DDI2: variants seen among roughly 807,000 people sequenced by gnomAD.
DDI2 encodes protein DDI1 homolog 2.
A neutral mutation model predicts 48.1 loss-of-function variants in DDI2; 5 were observed. The ratio of observed to expected loss-of-function variants is 0.10; its 90% CI spans 0.05 to 0.22. The LOEUF (loss-of-function observed/expected upper bound fraction) is 0.22, where lower values mean the gene tolerates loss of function less well. Ranked by LOEUF, DDI2 falls within the 10% of genes least tolerant of loss-of-function variation. The pLI is 1.00. For missense variants in DDI2, 285 were observed against 506.2 expected, an observed-to-expected ratio of 0.56 and a Z score of 4.19; for synonymous variants, 205 against 183.6, an observed-to-expected ratio of 1.12 and a Z score of -0.94.
In DDI2 at chr1:15,649,703, C is replaced by T. The variant is rs1640149191; in HGVS notation, c.890-17C>T. 2 of 1,604,398 alleles carry T rather than the reference C, an allele frequency of 1.2e-6. No homozygotes were observed. Among genetic ancestry groups the T allele is most frequent in the Non-Finnish European group, 8.5e-7 (1 of 1,176,676 alleles). ...GAAGTACGTAACAATAACCTTTTCT[C>T]TTCATGTGCTTTTTAGCTCAGGTTC... On this transcript the variant is annotated splice_polypyrimidine_tract_variant and intron_variant, in intron 6 of 9. Transcript: ENST00000480945.
chr1:15,644,101 C>T (rs1034186072), intron 6 of DDI2, among the ~76,000 whole-genome samples: 8 of 152,096 alleles, frequency 5.3e-5, no homozygotes, highest in African/African-American at 1.9e-4. Flanking sequence ...TGGTTTCTTG[C>T]GTAGTATTCA....
In DDI2 at chr1:15,661,856, T is replaced by C; in HGVS notation, c.*2066T>C. 8.0e-7 allele frequency: 1 copy of C among 1,243,744 alleles called. No homozygotes were observed. Among genetic ancestry groups the C allele is most frequent in the Middle Eastern group, 3.0e-4 (1 of 3,370 alleles). 77.0% of individuals were successfully genotyped at this position (1,243,744 alleles called of 1,614,324 possible). On this transcript the variant is annotated 3_prime_UTR_variant, in exon 10 of 10. Coordinates refer to ENST00000480945, the MANE Select transcript of DDI2 (RefSeq NM_032341.5). ...CCTGCAAGCAGAATGTTGAGCCAGA[T>C]TTTTTTTAAAGATTTTTTTCGGCCA...
intron 1 of DDI2, 61 bp downstream of exon 1, chr1:15,617,869 A>C (rs1639588423): frequency 1.0e-5 from 15 of 1,452,066 alleles, no homozygotes; most frequent in South Asian, 5.5e-5. Flanking sequence ...TCGGGGCCTC[A>C]CTCCCTCCCT....
intron 2 of DDI2, among the ~76,000 whole-genome samples, chr1:15,629,801 G>A (rs1235443900): frequency 4.0e-5 from 6 of 148,490 alleles, no homozygotes; most frequent in Non-Finnish European, 8.9e-5. Context: ...GCGCCATCTC[G>A]GCTCACTGCA....
At position 15,652,446 on chromosome 1, in the gene DDI2, CG is replaced by C. The variant is rs1396074011; in HGVS notation, c.1183+553del. Among the ~76,000 whole-genome samples, 54 of 15,886 alleles carry C rather than the reference CG, an allele frequency of 3.4e-3. 1 individual carries two copies. Among genetic ancestry groups the C allele is most frequent in the African/African-American group, 9.7e-3 (50 of 5,156 alleles). The allele number at this position is 15,886 out of a possible 152,430, so 10.4% of individuals were successfully genotyped here. On this transcript the variant is annotated intron_variant, in intron 8 of 9. Transcript: ENST00000480945. ...TTAATCCCAGCACTTTGGGAGGCTC[CG>C]GAGGGGGGGGGGGGGGGGCGGATCA...
chr1:15,652,205 G>A (rs1185158874), intron 8 of DDI2, among the ~76,000 whole-genome samples: 1 of 151,196 alleles, frequency 6.6e-6, no homozygotes, highest in Non-Finnish European at 1.5e-5. Flanking sequence ...CTCCTGAGTA[G>A]CTGGGACTAC....
intron 3 of DDI2, among the ~76,000 whole-genome samples, chr1:15,630,943 A>G (rs988930454): frequency 5.3e-5 from 8 of 152,164 alleles, no homozygotes; most frequent in African/African-American, 1.9e-4. Context: ...TCCCGGGTTC[A>G]TGCCATTCTC....
rs146204532 is a variant in DDI2, at chr1:15,663,014, G to A, written c.*3224G>A. The A allele has an allele frequency of 2.0e-5, 3 of 152,094 alleles. No individual in the cohort carries two copies. Among genetic ancestry groups the A allele is most frequent in the Non-Finnish European group, 4.4e-5 (3 of 67,988 alleles). The allele number at this position is 152,094 out of a possible 1,614,324, so 9.4% of individuals were successfully genotyped here. ...GCCCTTGGAAATCATTGTCCTGTGG[G>A]CCCCACTGTGCAATAATCCTACTGG... On this transcript the variant is annotated 3_prime_UTR_variant, in exon 10 of 10. Transcript: ENST00000480945.
chr1:15,642,927 T>C (rs1640032861), intron 5 of DDI2, among the ~76,000 whole-genome samples: 1 of 151,776 alleles, frequency 6.6e-6, no homozygotes, highest in Admixed American at 6.6e-5. Flanking sequence ...ATTAGCCGGG[T>C]GTGGTGGTGG....
chr1:15,647,613 A>G (rs896612858), intron 6 of DDI2, among the ~76,000 whole-genome samples: 6 of 152,256 alleles, frequency 3.9e-5, no homozygotes, highest in Admixed American at 3.3e-4. Context: ...CCACCACTGA[A>G]TGAATATTCA....
At chr1:15,655,264 C>T (rs1344977575) in intron 8 of DDI2, among the ~76,000 whole-genome samples, 1 of 152,126 alleles carries the variant, frequency 6.6e-6, no homozygotes, top group African/African-American at 2.4e-5. Flanking sequence ...TTTAGAACAT[C>T]GACTTCCTAA....
chr1:15,643,108 C>T (rs1424725718), intron 5 of DDI2, among the ~76,000 whole-genome samples: 1 of 152,148 alleles, frequency 6.6e-6, no homozygotes, highest in Non-Finnish European at 1.5e-5. Flanking sequence ...TGGCGCAAGC[C>T]TGTCAATCCC....
At chr1:15,634,215 A>G (rs1252122906) in intron 4 of DDI2, 1 of 157,700 alleles carries the variant, frequency 6.3e-6, no homozygotes, top group East Asian at 1.8e-4. Flanking sequence ...ATTGTCGGGC[A>G]TGGAGCTCAA....
Position 15,628,214 on chromosome 1 carries a change from AT to A in DDI2, c.268+1419del, listed in dbSNP as rs540067242. Among the ~76,000 whole-genome samples the A allele has an allele frequency of 3.9e-5, 6 of 152,240 alleles. No individual in the cohort carries two copies. In the South Asian group the frequency reaches 1.2e-3, roughly 32 times the overall value. On this transcript the variant is annotated intron_variant, in intron 2 of 9. Transcript: ENST00000480945. ...AATGTATAACAGGAGTGGAGATAAA[AT>A]TTCTTGACCTGCAAAGAGGGCCCAC...
chr1:15,626,672 G>T lies in DDI2; in HGVS notation c.142G>T (p.Val48Phe). 3 of 1,613,820 alleles carry T rather than the reference G, an allele frequency of 1.9e-6. No homozygotes were observed. Among genetic ancestry groups the T allele is most frequent in the Middle Eastern group, 1.6e-4 (1 of 6,062 alleles). Reference sequence around the variant, plus strand: ...TGTATATCTTTTCTTGTTGTAGATCGTCTATGCGGAAAGACCTCTCACAGA... The same window carrying T: ...TGTATATCTTTTCTTGTTGTAGATCTTCTATGCGGAAAGACCTCTCACAGA... ...SGIPAAESQI[V>F]YAERPLTDNH... Residue 48 changes from valine (V) to phenylalanine (F), a missense_variant, in exon 2 of 10, where the codon GTC becomes TTC. Physicochemically the swap from Val to Phe is conservative, Grantham distance 50 (BLOSUM62 -1). This residue lies in a region of DDI2 where 149 missense variants were observed against 236.5 expected (regional missense o/e 0.63). Transcript: ENST00000480945.
rs182712855 is a variant in DDI2 at position 15,651,912 on chromosome 1, A to C, written c.1183+17A>C. 3,452 of 1,610,846 alleles carry C rather than the reference A, an allele frequency of 2.1e-3. 17 individuals carry two copies. In the Middle Eastern group the frequency reaches 0.022, roughly 10 times the overall value. On this transcript the variant is annotated intron_variant, in intron 8 of 9. Transcript: ENST00000480945. ...AGGATGCAGGTATTTGGGATGGCCA[A>C]ACTCTTCAATACTTGTTATTGATGG... is the stretch of plus-strand genomic sequence containing the variant.
At position 15,662,121 on chromosome 1, in the gene DDI2, C is replaced by T. The variant is rs1640392865; in HGVS notation, c.*2331C>T. ...ATCCAGCTAAAAACAGATGAACTCT[C>T]CACACTGTGACTGTGTGTCTGTGCT... On this transcript the variant is annotated 3_prime_UTR_variant, in exon 10 of 10. Coordinates refer to ENST00000480945, the MANE Select transcript of DDI2 (RefSeq NM_032341.5). 6.1e-6 allele frequency: 1 copy of T among 163,184 alleles called. No homozygotes were observed. The highest frequency in any genetic ancestry group is 1.6e-4 in the South Asian group (1 of 6,134). The allele number at this position is 163,184 out of a possible 1,614,324, so 10.1% of individuals were successfully genotyped here.
rs1249004507 is a variant in DDI2, at chr1:15,666,759, C to T, written c.*6969C>T. ...TTCAGTCTAGAAGGGAGACGTGAAA[C>T]AAATTTTAGCTTCAAAAGCAACATC... On this transcript the variant is annotated 3_prime_UTR_variant, in exon 10 of 10. Transcript: ENST00000480945. 6.6e-6 allele frequency: 1 copy of T among 152,148 alleles called. No individual in the cohort carries two copies. The highest frequency in any genetic ancestry group is 1.5e-5 in the Non-Finnish European group (1 of 68,024). The allele number at this position is 152,148 out of a possible 1,614,324, so 9.4% of individuals were successfully genotyped here.
At chr1:15,649,247 C>T (rs1640141794) in intron 6 of DDI2, among the ~76,000 whole-genome samples, 1 of 151,958 alleles carries the variant, frequency 6.6e-6, no homozygotes, top group Non-Finnish European at 1.5e-5. Flanking sequence ...GTTTGTAATC[C>T]CATCTACTTG....
Sources: allele counts gnomAD v4.1 joint callset (sites outside exome capture counted in the v4.1 genomes callset), GRCh38; gene constraint gnomAD v4.1.1; regional missense constraint gnomAD v4.1.1; transcripts MANE v1.5; gene names NCBI Gene and HGNC (gene_info 2026-07-23, HGNC 2026-07-21).